ZSCAN25: variants seen among roughly 807,000 people sequenced by gnomAD.
ZSCAN25 encodes the protein zinc finger and SCAN domain-containing protein 25.
ZSCAN25 carries 27 observed loss-of-function variants against 38.7 expected under a neutral mutation model. The ratio of observed to expected loss-of-function variants is 0.70; its 90% CI spans 0.51 to 0.96. The LOEUF (loss-of-function observed/expected upper bound fraction) is 0.96. Among genes scored for constraint, ZSCAN25 ranks in the 40% least tolerant of loss-of-function variants. The pLI, the probability that ZSCAN25 is intolerant of heterozygous loss-of-function variation, is 0.00. For synonymous variants in ZSCAN25, 273 were observed against 277.7 expected (o/e 0.98, Z 0.17); for missense variants, 637 against 705.9 (o/e 0.90, Z 1.11).
chr7:99,671,690 A>G, the ZSCAN25 span: 1 of 621,982 alleles, frequency 1.6e-6, no homozygotes, highest in Non-Finnish European at 2.9e-6. Flanking sequence ...TTCAGACTTA[A>G]CACCAAAAGA....
the ZSCAN25 span, chr7:99,695,765 G>T: frequency 6.2e-7 from 1 of 1,613,460 alleles, no homozygotes; most frequent in Non-Finnish European, 8.5e-7. Flanking sequence ...GGACAAAGTA[G>T]TTCCCAAAAA....
chr7:99,634,613 C>T (rs1280664128), downstream of ZSCAN25, among the ~76,000 whole-genome samples: 2 of 152,186 alleles, frequency 1.3e-5, no homozygotes, highest in Admixed American at 6.5e-5. Context: ...CACAGTGAAA[C>T]CCCATCTCTA....
chr7:99,707,145 AGTTATAATT>A, the ZSCAN25 span, among the ~76,000 whole-genome samples: 1 of 152,292 alleles, frequency 6.6e-6, no homozygotes, highest in South Asian at 2.1e-4. Flanking sequence ...AGATTAGCAG[AGTTATAATT>A]GAGTTGAAAA....
At chr7:99,632,984 C>CTCTTTTTTTTTTTTTTTTTTTT (rs1808104279), downstream of ZSCAN25, among the ~76,000 whole-genome samples, 1 of 135,772 alleles carries the variant, frequency 7.4e-6, no homozygotes, top group African/African-American at 3.0e-5. Context: ...TCTGCATTTT[C>CTCTTTTTTTTTTTTTTTTTTTT]TGTTGTTTTT....
At chr7:99,727,973 A>G in the ZSCAN25 span, among the ~76,000 whole-genome samples, 1 of 152,240 alleles carries the variant, frequency 6.6e-6, no homozygotes, top group East Asian at 1.9e-4. Context: ...TGCAAAGGCC[A>G]TCAAAGGGCC....
At chr7:99,620,218 C>A in intron 4 of ZSCAN25, 1 of 627,192 alleles carries the variant, frequency 1.6e-6, no homozygotes, top group Non-Finnish European at 2.7e-6. Context: ...TCTGTTTGGT[C>A]ATGAGGGCAG....
the ZSCAN25 span, chr7:99,720,167 A>T: frequency 1.1e-6 from 1 of 949,368 alleles, no homozygotes; most frequent in African/African-American, 1.7e-5. Flanking sequence ...AGATTGCAAG[A>T]TGTTACCATG....
Position 99,621,465 on chromosome 7 carries a change from G to A in ZSCAN25, c.480G>A (p.Lys160=). ...TCCAGCTGGGGCCAGTGGAGGTCAA[G>A]CCTGAATGGGGGATGCCCCCTGGGG... The part of the protein sequence containing the change: ...PGIQLGPVEV[K]PEWGMPPGEG... Residue 160 remains lysine, a synonymous_variant, in exon 5 of 8, where the codon AAG becomes AAA. Transcript: ENST00000394152. 6.4e-7 allele frequency: 1 copy of A among 1,574,594 alleles called. No homozygotes were observed. The highest frequency in any genetic ancestry group is 8.7e-7 in the Non-Finnish European group (1 of 1,155,866).
chr7:99,635,554 A>C (rs1413143448), downstream of ZSCAN25, among the ~76,000 whole-genome samples: 1 of 152,152 alleles, frequency 6.6e-6, no homozygotes, highest in Non-Finnish European at 1.5e-5. Context: ...GAGTTTTCCA[A>C]ATTTCAAATA....
chr7:99,672,045 G>T, the ZSCAN25 span, among the ~76,000 whole-genome samples: 6 of 151,564 alleles, frequency 4.0e-5, no homozygotes, highest in South Asian at 6.3e-4. Flanking sequence ...GCCGGTTTTT[G>T]TTGTTGTTGT....
the ZSCAN25 span, among the ~76,000 whole-genome samples, chr7:99,676,917 A>C: frequency 1.3e-5 from 2 of 151,794 alleles, no homozygotes; most frequent in African/African-American, 4.8e-5. Context: ...GGTTGATTTG[A>C]GCTGTTGAGG....
At position 99,631,426 on chromosome 7, in the gene ZSCAN25, A is replaced by G. The variant is rs914902907; in HGVS notation, c.*1406A>G. On this transcript the variant is annotated 3_prime_UTR_variant, in exon 8 of 8. Coordinates refer to ENST00000394152, the MANE Select transcript of ZSCAN25 (RefSeq NM_145115.3). Reference sequence around the variant, plus strand: ...ACTGTTGAAGCTTCCTTATTGTGCCATCACTTAAGGGTTTCATTTCTGTTT... The same window carrying G: ...ACTGTTGAAGCTTCCTTATTGTGCCGTCACTTAAGGGTTTCATTTCTGTTT... 16 of 985,328 alleles carry G rather than the reference A, an allele frequency of 1.6e-5. No homozygotes were observed. Among genetic ancestry groups the G allele is most frequent in the Middle Eastern group, 5.2e-4 (1 of 1,936 alleles). The allele number at this position is 985,328 out of a possible 1,614,324, so 61.0% of individuals were successfully genotyped here.
At chr7:99,637,892 G>A in the ZSCAN25 span, among the ~76,000 whole-genome samples, 1 of 151,962 alleles carries the variant, frequency 6.6e-6, no homozygotes, top group Non-Finnish European at 1.5e-5. Flanking sequence ...AAGGAAAAAA[G>A]CATACACAGG....
At chr7:99,723,112 T>C in the ZSCAN25 span, among the ~76,000 whole-genome samples, 1 of 152,008 alleles carries the variant, frequency 6.6e-6, no homozygotes, top group Non-Finnish European at 1.5e-5. Context: ...ATCTTGGGGG[T>C]ACATCTACTA....
At chr7:99,709,194 CT>C in the ZSCAN25 span, 1 of 1,613,996 alleles carries the variant, frequency 6.2e-7, no homozygotes, top group East Asian at 2.2e-5. Context: ...TGGGAATAAT[CT>C]GAGTGTTTCA....
chr7:99,631,427 T>C lies in ZSCAN25; in HGVS notation c.*1407T>C. 1.0e-6 allele frequency: 1 copy of C among 985,454 alleles called. No homozygotes were observed. The highest frequency in any genetic ancestry group is 1.2e-6 in the Non-Finnish European group (1 of 829,928). The allele number at this position is 985,454 out of a possible 1,614,324, so 61.0% of individuals were successfully genotyped here. On this transcript the variant is annotated 3_prime_UTR_variant, in exon 8 of 8. Transcript: ENST00000394152. ...CTGTTGAAGCTTCCTTATTGTGCCATCACTTAAGGGTTTCATTTCTGTTTA... is the reference window on the plus strand; with the variant it reads ...CTGTTGAAGCTTCCTTATTGTGCCACCACTTAAGGGTTTCATTTCTGTTTA...
chr7:99,623,717 T>G (rs1337107283), intron 6 of ZSCAN25, among the ~76,000 whole-genome samples: 1 of 152,158 alleles, frequency 6.6e-6, no homozygotes, highest in African/African-American at 2.4e-5. Context: ...AGTGAGAAAT[T>G]GAGGATGCAT....
chr7:99,656,770 G>T, the ZSCAN25 span, among the ~76,000 whole-genome samples: 1 of 152,136 alleles, frequency 6.6e-6, no homozygotes, highest in African/African-American at 2.4e-5. Flanking sequence ...CCTGTTATTG[G>T]TCTATTCAGA....
At chr7:99,696,188 T>C in the ZSCAN25 span, among the ~76,000 whole-genome samples, 18 of 151,846 alleles carry the variant, frequency 1.2e-4, no homozygotes, top group African/African-American at 4.1e-4. Context: ...ATTTAGTAAG[T>C]GGACTCTTCC....
Sources: allele counts gnomAD v4.1 joint callset (sites outside exome capture counted in the v4.1 genomes callset), GRCh38; gene constraint gnomAD v4.1.1; transcripts MANE v1.5; gene names NCBI Gene and HGNC (gene_info 2026-07-23, HGNC 2026-07-21).